The following IGF1R variants were observed in gnomAD, a reference collection of about 807,000 sequenced individuals.
IGF1R encodes insulin-like growth factor 1 receptor.
A neutral mutation model predicts 144.6 loss-of-function variants in IGF1R; 44 were observed. That is an observed-to-expected ratio of 0.30 (90% confidence interval 0.24 to 0.39). The LOEUF (loss-of-function observed/expected upper bound fraction) is 0.39, where lower values mean the gene tolerates loss of function less well. IGF1R is among the 10% of genes least tolerant of loss of function. IGF1R has a pLI of 1.00. For synonymous variants in IGF1R, 795 were observed against 722.8 expected (o/e 1.10, Z -1.60); for missense variants, 1,355 against 1,833.7 (o/e 0.74, Z 4.77).
rs2054785501 is a variant in IGF1R, at chr15:98,743,100, C to G, written c.640+34993C>G. Among the ~76,000 whole-genome samples the G allele has an allele frequency of 2.6e-5, 4 of 152,074 alleles. No individual in the cohort carries two copies. In the South Asian group the frequency reaches 8.3e-4, roughly 32 times the overall value. On this transcript the variant is annotated intron_variant, in intron 2 of 20. Transcript: ENST00000650285. ...TTTTGTTCGTTATTTTTTTCTTTTACTTCCTTTTCTACCAGTGACTAGTCC... is the reference window on the plus strand; with the variant it reads ...TTTTGTTCGTTATTTTTTTCTTTTAGTTCCTTTTCTACCAGTGACTAGTCC...
chr15:98,784,121 C>T (rs1271280079), intron 2 of IGF1R, among the ~76,000 whole-genome samples: 1 of 151,834 alleles, frequency 6.6e-6, no homozygotes, highest in South Asian at 2.1e-4. Context: ...ATTGCAGGCA[C>T]CCGCAACCAC....
intron 2 of IGF1R, among the ~76,000 whole-genome samples, chr15:98,723,571 G>A (rs1331572004): frequency 2.6e-5 from 4 of 152,206 alleles, no homozygotes; most frequent in Non-Finnish European, 5.9e-5. Context: ...AGGGAGTTTT[G>A]AAGCTAGCTG....
In IGF1R at chr15:98,815,837, CCTT is replaced by C. The variant is rs563396186; in HGVS notation, c.641-75481_641-75479del. 7.7e-4 allele frequency among the ~76,000 whole-genome samples: 117 copies of C among 152,194 alleles called. 1 individual carries two copies. Among genetic ancestry groups the C allele is most frequent in the African/African-American group, 2.5e-3 (104 of 41,508 alleles). On this transcript the variant is annotated intron_variant, in intron 2 of 20. Coordinates refer to ENST00000650285, the MANE Select transcript of IGF1R (RefSeq NM_000875.5). ...CCTGTTCTGTAGTTGCCTTCCAAGC[CCTT>C]CTTCTTTCTGATGCTTTCTTGGTAC...
At chr15:98,713,709 G>A (rs1395477514) in intron 2 of IGF1R, among the ~76,000 whole-genome samples, 8 of 152,170 alleles carry the variant, frequency 5.3e-5, no homozygotes, top group African/African-American at 1.7e-4. Context: ...CTAAGTGCCT[G>A]TTGTTTGCTT....
intron 18 of IGF1R, among the ~76,000 whole-genome samples, chr15:98,940,019 A>G (rs1021631729): frequency 2.0e-5 from 3 of 152,226 alleles, no homozygotes; most frequent in African/African-American, 7.2e-5. Flanking sequence ...CACACCAGAA[A>G]AAAGGGTTGG....
chr15:98,876,028 G>A (rs1416476291), intron 2 of IGF1R, among the ~76,000 whole-genome samples: 1 of 152,116 alleles, frequency 6.6e-6, no homozygotes, highest in African/African-American at 2.4e-5. Flanking sequence ...TGGGCCAGCA[G>A]CAAAATAATT....
chr15:98,719,209 A>C (rs995899111), intron 2 of IGF1R, among the ~76,000 whole-genome samples: 2 of 152,164 alleles, frequency 1.3e-5, no homozygotes, highest in African/African-American at 2.4e-5. Flanking sequence ...GAATGTACTG[A>C]GTGTGTTTTT....
chr15:98,891,346 A>T lies in IGF1R; in HGVS notation c.662A>T (p.Lys221Met). The T allele has an allele frequency of 6.2e-7, 1 of 1,607,152 alleles. No individual in the cohort carries two copies. The change falls in exon 3 of 21, where the codon AAG (lysine) becomes ATG (methionine). Residue 221 changes from lysine to methionine, a missense_variant. Transcript: ENST00000650285. The surrounding 1 kb of genome is among the most constrained non-coding windows in gnomAD (Gnocchi z 4.7). ...ACAGTGTGCCCAAGCACGTGTGGGA[A>T]GCGGGCGTGCACCGAGAACAATGAG... ...CQKMCPSTCG[K>M]RACTENNECC...
chr15:98,940,121 T>C (rs1390538550), intron 18 of IGF1R, among the ~76,000 whole-genome samples: 1 of 152,258 alleles, frequency 6.6e-6, no homozygotes, highest in African/African-American at 2.4e-5. Flanking sequence ...AAAACACACA[T>C]AACATCAGGG....
At chr15:98,757,452 C>T (rs1178587581) in intron 2 of IGF1R, among the ~76,000 whole-genome samples, 2 of 152,158 alleles carry the variant, frequency 1.3e-5, no homozygotes, top group Non-Finnish European at 2.9e-5. Context: ...GTGTGAGCCA[C>T]CACACCGGGC....
At chr15:98,810,554 CT>C (rs1289249437) in intron 2 of IGF1R, among the ~76,000 whole-genome samples, 170 of 138,684 alleles carry the variant, frequency 1.2e-3, no homozygotes, top group South Asian at 5.5e-3. Context: ...CTTTTCTTTT[CT>C]TTTTTTTTTT....
In IGF1R at chr15:98,935,548, T is replaced by C; in HGVS notation, c.3297+122T>C. The C allele has an allele frequency of 1.4e-6, 1 of 731,716 alleles. No homozygotes were observed. The highest frequency in any genetic ancestry group is 2.5e-6 in the Non-Finnish European group (1 of 400,254). 45.3% of individuals were successfully genotyped at this position (731,716 alleles called of 1,614,324 possible). A position where few individuals can be genotyped will look rare whatever the true frequency, so the allele number is the denominator to read the frequency against. On this transcript the variant is annotated intron_variant, in intron 17 of 20. Coordinates refer to ENST00000650285, the MANE Select transcript of IGF1R (RefSeq NM_000875.5). This position sits in a 1 kb window ranked among gnomAD's most constrained non-coding sequence, Gnocchi z 4.2. ...TTACTTTCCAGCATCCAGTGTTTCT[T>C]ACTGCATGCTCAGTTGTAGGTCATT... is the stretch of plus-strand genomic sequence containing the variant.
rs540951580 is a variant in IGF1R at position 98,714,712 on chromosome 15, T to TA, written c.640+6612dup. Among the ~76,000 whole-genome samples, 11 of 151,984 alleles carry TA rather than the reference T, an allele frequency of 7.2e-5. No homozygotes were observed. The South Asian group carries it at 2.1e-3, about 29-fold the overall frequency. On this transcript the variant is annotated intron_variant, in intron 2 of 20. Coordinates refer to ENST00000650285, the MANE Select transcript of IGF1R (RefSeq NM_000875.5). ...TAGCTTTGAGAAAGGAAAATAATAA[T>TA]AAAAAAAGAATGTGTAAATCACCTG...
rs181283587 is a variant in IGF1R at position 98,691,092 on chromosome 15, T to C, written c.95-16470T>C. Among the ~76,000 whole-genome samples, 14 of 152,336 alleles carry C rather than the reference T, an allele frequency of 9.2e-5. No individual in the cohort carries two copies. In the East Asian group the frequency reaches 2.5e-3, roughly 27 times the overall value. ...TGTCACCATGGTAATTTGCCACAGC[T>C]AAGGAACCAGCATTAGTCCATGACT... On this transcript the variant is annotated intron_variant, in intron 1 of 20. Coordinates refer to ENST00000650285, the MANE Select transcript of IGF1R (RefSeq NM_000875.5).
rs115739939 is a variant in IGF1R, at chr15:98,819,094, C to T, written c.641-72231C>T. ...GGGGCAGGAGCTCTGTCTTGCATCT[C>T]TCAGGTCAGAAATGCCTCAGACATC... On this transcript the variant is annotated intron_variant, in intron 2 of 20. Transcript: ENST00000650285. Among the ~76,000 whole-genome samples, 23 of 152,142 alleles carry T rather than the reference C, an allele frequency of 1.5e-4. No individual in the cohort carries two copies. The South Asian group carries it at 2.3e-3, about 15-fold the overall frequency.
intron 8 of IGF1R, among the ~76,000 whole-genome samples, chr15:98,915,263 A>G (rs994492828): frequency 1.3e-5 from 2 of 152,242 alleles, no homozygotes; most frequent in African/African-American, 4.8e-5. Flanking sequence ...TGCTTTGCCT[A>G]TAATCGGCAT....
intron 10 of IGF1R, among the ~76,000 whole-genome samples, chr15:98,919,787 A>C (rs1157086643): frequency 6.6e-6 from 1 of 152,240 alleles, no homozygotes; most frequent in East Asian, 1.9e-4. Context: ...GTTCTGGCAG[A>C]GTCCAGGTGA....
chr15:98,804,066 A>G (rs988932781), intron 2 of IGF1R, among the ~76,000 whole-genome samples: 24 of 152,166 alleles, frequency 1.6e-4, no homozygotes, highest in Admixed American at 1.2e-3. Flanking sequence ...GCTATATTCT[A>G]TCCTTACAGG....
chr15:98,712,203 T>A (rs1417737926), intron 2 of IGF1R, among the ~76,000 whole-genome samples: 1 of 152,072 alleles, frequency 6.6e-6, no homozygotes, highest in African/African-American at 2.4e-5. Context: ...CACCTAAACT[T>A]CCAAGTATCT....
Sources: gnomAD v4.1 joint callset for allele counts (sites outside exome capture counted in the v4.1 genomes callset) on GRCh38, gnomAD v4.1.1 for gene constraint, Gnocchi (gnomAD v3.1) non-coding constraint, MANE v1.5 for transcripts, NCBI Gene and HGNC (gene_info 2026-07-23, HGNC 2026-07-21) for gene names.